ADCY2: variants seen among roughly 807,000 people sequenced by gnomAD.
ADCY2 encodes adenylate cyclase type 2.
ADCY2 carries 31 observed loss-of-function variants against 125.2 expected under a neutral mutation model. That is an observed-to-expected ratio of 0.25 (90% CI 0.19 to 0.33). The LOEUF (loss-of-function observed/expected upper bound fraction) is 0.33. Among genes scored for constraint, ADCY2 ranks in the 10% least tolerant of loss-of-function variants. The pLI, the probability that ADCY2 is intolerant of heterozygous loss-of-function variation, is 1.00. For missense variants in ADCY2, 904 were observed against 1,418.2 expected (o/e 0.64, Z 5.82); for synonymous variants, 512 against 548.4 (o/e 0.93, Z 0.93).
At chr5:7,713,606 CAA>C (rs1202245524) in intron 11 of ADCY2, among the ~76,000 whole-genome samples, 4 of 152,020 alleles carry the variant, frequency 2.6e-5, no homozygotes, top group Admixed American at 6.6e-5. Context: ...CCACTCTGCT[CAA>C]AAAAAGAGAA....
chr5:7,570,641 T>C (rs1736038817), intron 3 of ADCY2, among the ~76,000 whole-genome samples: 1 of 150,262 alleles, frequency 6.7e-6, no homozygotes, highest in Admixed American at 6.6e-5. Flanking sequence ...AAAAAAATGC[T>C]TGTGTTTGGG....
chr5:7,802,109 T>A lies in ADCY2; in HGVS notation c.2629-109T>A. On this transcript the variant is annotated intron_variant, in intron 20 of 24. Coordinates refer to ENST00000338316, the MANE Select transcript of ADCY2 (RefSeq NM_020546.3). This position sits in a 1 kb window ranked among gnomAD's most constrained non-coding sequence, Gnocchi z 4.6. ...GGGGTGGGGCAAGTGGAGTAGGCAT[T>A]TGGGCGATGTCTGTGTGAATCCTGG... 3 of 1,308,550 alleles carry A rather than the reference T, an allele frequency of 2.3e-6. No individual in the cohort carries two copies. Among genetic ancestry groups the A allele is most frequent in the South Asian group, 2.9e-5 (2 of 70,120 alleles). 81.1% of individuals were successfully genotyped at this position (1,308,550 alleles called of 1,614,324 possible).
At chr5:7,408,467 A>T (rs1458696062) in intron 1 of ADCY2, among the ~76,000 whole-genome samples, 1 of 151,600 alleles carries the variant, frequency 6.6e-6, no homozygotes, top group Non-Finnish European at 1.5e-5. Flanking sequence ...TCCCGAGTTC[A>T]AGCGATTCTG....
chr5:7,519,461 C>T lies in ADCY2; in HGVS notation c.409-1277C>T, dbSNP rs183403962. Among the ~76,000 whole-genome samples the T allele has an allele frequency of 9.9e-5, 15 of 152,236 alleles. No individual in the cohort carries two copies. In the East Asian group the frequency reaches 1.4e-3, roughly 14 times the overall value. On this transcript the variant is annotated intron_variant, in intron 2 of 24. Coordinates refer to ENST00000338316, the MANE Select transcript of ADCY2 (RefSeq NM_020546.3). ...TTCCCTTCTGCTTGGAGTCAAGAGCCGCATGGGAAGCTGGCCACATGTCCC... is the reference window on the plus strand; with the variant it reads ...TTCCCTTCTGCTTGGAGTCAAGAGCTGCATGGGAAGCTGGCCACATGTCCC...
chr5:7,571,119 A>G (rs1415543438), intron 3 of ADCY2, among the ~76,000 whole-genome samples: 1 of 152,170 alleles, frequency 6.6e-6, no homozygotes, highest in South Asian at 2.1e-4. Context: ...AGCAGAGCCA[A>G]TAGGTTCTCC....
At chr5:7,652,337 G>C (rs954655855) in intron 4 of ADCY2, among the ~76,000 whole-genome samples, 4 of 152,170 alleles carry the variant, frequency 2.6e-5, no homozygotes, top group African/African-American at 9.7e-5. Flanking sequence ...GAAAGAGAGA[G>C]ATCAGTGGGA....
chr5:7,473,672 C>A (rs1742420464), intron 2 of ADCY2, among the ~76,000 whole-genome samples: 1 of 152,140 alleles, frequency 6.6e-6, no homozygotes, highest in Non-Finnish European at 1.5e-5. Context: ...CTTTTCTTAG[C>A]AATTTAAGGC....
At chr5:7,470,632 A>T (rs1742299658) in intron 2 of ADCY2, among the ~76,000 whole-genome samples, 1 of 115,510 alleles carries the variant, frequency 8.7e-6, no homozygotes, top group Admixed American at 8.3e-5. Context: ...ACTACTGTAT[A>T]TATGTGTGTG....
At chr5:7,615,718 A>G (rs1251806495) in intron 3 of ADCY2, among the ~76,000 whole-genome samples, 1 of 152,060 alleles carries the variant, frequency 6.6e-6, no homozygotes, top group Non-Finnish European at 1.5e-5. Flanking sequence ...TCAGCAAACT[A>G]CTCTTGAGAT....
intron 3 of ADCY2, among the ~76,000 whole-genome samples, chr5:7,568,673 G>T (rs774904717): frequency 2.0e-5 from 3 of 152,114 alleles, no homozygotes; most frequent in Non-Finnish European, 2.9e-5. Context: ...CCCCTTCTTG[G>T]AGATAAAATA....
intron 3 of ADCY2, among the ~76,000 whole-genome samples, chr5:7,577,718 G>A (rs1736293456): frequency 6.6e-6 from 1 of 151,988 alleles, no homozygotes; most frequent in Non-Finnish European, 1.5e-5. Context: ...ATAAATCAAT[G>A]ACAACAAAAC....
chr5:7,747,972 C>T (rs1457597774), intron 15 of ADCY2, among the ~76,000 whole-genome samples: 2 of 152,186 alleles, frequency 1.3e-5, no homozygotes, highest in Non-Finnish European at 2.9e-5. Context: ...GGACTCCTTC[C>T]GAACTTGAAG....
intron 4 of ADCY2, among the ~76,000 whole-genome samples, chr5:7,628,338 TA>T (rs1386344457): frequency 6.6e-6 from 1 of 152,172 alleles, no homozygotes; most frequent in African/African-American, 2.4e-5. Flanking sequence ...TTACATAACC[TA>T]ATATTTTTAG....
At chr5:7,480,930 T>C (rs1370772230) in intron 2 of ADCY2, among the ~76,000 whole-genome samples, 1 of 152,214 alleles carries the variant, frequency 6.6e-6, no homozygotes, top group Non-Finnish European at 1.5e-5. Flanking sequence ...TAGTGGATAG[T>C]GCTGCAATAA....
intron 22 of ADCY2, among the ~76,000 whole-genome samples, chr5:7,815,461 A>T (rs933117708): frequency 6.6e-6 from 1 of 152,062 alleles, no homozygotes; most frequent in East Asian, 1.9e-4. Flanking sequence ...ACCGTGCTCC[A>T]CCCCACTTTG....
At chr5:7,445,160 C>T (rs192168054) in intron 2 of ADCY2, among the ~76,000 whole-genome samples, 129 of 152,240 alleles carry the variant, frequency 8.5e-4, no homozygotes, top group South Asian at 1.2e-3. Flanking sequence ...GTCTGTTTCC[C>T]CTCACTCCCA....
At chr5:7,444,781 A>G (rs1375860479) in intron 2 of ADCY2, among the ~76,000 whole-genome samples, 3 of 152,142 alleles carry the variant, frequency 2.0e-5, no homozygotes, top group African/African-American at 4.8e-5. Context: ...CAGCTTGCCA[A>G]TCAGGTGAGT....
At chr5:7,438,862 C>T (rs866390205) in intron 2 of ADCY2, among the ~76,000 whole-genome samples, 3 of 152,152 alleles carry the variant, frequency 2.0e-5, no homozygotes, top group Admixed American at 6.5e-5. Context: ...GGCTGTGAGG[C>T]TGGCCAGCTG....
chr5:7,725,767 AC>A (rs1375942998), intron 13 of ADCY2, among the ~76,000 whole-genome samples: 2 of 152,254 alleles, frequency 1.3e-5, no homozygotes, highest in Non-Finnish European at 2.9e-5. Context: ...GAATGTAATC[AC>A]ATTTCAGCAA....
Sources: allele counts gnomAD v4.1 joint callset (sites outside exome capture counted in the v4.1 genomes callset), GRCh38; gene constraint gnomAD v4.1.1; non-coding constraint Gnocchi (gnomAD v3.1); transcripts MANE v1.5; gene names NCBI Gene and HGNC (gene_info 2026-07-23, HGNC 2026-07-21).